ENOX1: variants seen among roughly 807,000 people sequenced by gnomAD.
ENOX1 encodes ecto-NOX disulfide-thiol exchanger 1, also known as candidate growth-related and time keeping constitutive hydroquinone (NADH) oxidase.
ENOX1 carries 42 observed loss-of-function variants against 82.5 expected under a neutral mutation model. The ratio of observed to expected loss-of-function variants is 0.51; its 90% CI spans 0.40 to 0.66. The LOEUF is 0.66. ENOX1 is among the 30% of genes least tolerant of loss of function. ENOX1 has a pLI of 0.00. For missense variants in ENOX1, 608 were observed against 811.6 expected (o/e 0.75, Z 3.05); for synonymous variants, 271 against 282.2 (o/e 0.96, Z 0.40).
intron 14 of ENOX1, among the ~76,000 whole-genome samples, chr13:43,240,404 G>A (rs2042760841): frequency 6.6e-6 from 1 of 152,104 alleles, no homozygotes; most frequent in Non-Finnish European, 1.5e-5. Context: ...GATTTTATCT[G>A]GGAGGCTTAA....
intron 2 of ENOX1, among the ~76,000 whole-genome samples, chr13:43,655,530 C>T (rs1451117189): frequency 6.6e-6 from 1 of 152,208 alleles, no homozygotes; most frequent in Non-Finnish European, 1.5e-5. Flanking sequence ...CACCAACTGT[C>T]TTCCTCCTGT....
intron 3 of ENOX1, among the ~76,000 whole-genome samples, chr13:43,452,229 A>G (rs897929296): frequency 1.3e-5 from 2 of 151,984 alleles, no homozygotes; most frequent in African/African-American, 4.8e-5. Context: ...CCATCATCCC[A>G]TCATCTACAT....
intron 11 of ENOX1, among the ~76,000 whole-genome samples, chr13:43,306,520 C>T (rs1300102562): frequency 6.6e-6 from 1 of 152,140 alleles, no homozygotes. Context: ...AATTGTACCC[C>T]CTCCCCTGCA....
chr13:43,470,297 CAT>C (rs1459174994), intron 3 of ENOX1, among the ~76,000 whole-genome samples: 16 of 37,908 alleles, frequency 4.2e-4, no homozygotes, highest in South Asian at 2.2e-3. Flanking sequence ...TATATATACA[CAT>C]ATATATACAT....
At chr13:43,414,302 G>C (rs1366949506) in intron 3 of ENOX1, among the ~76,000 whole-genome samples, 1 of 152,140 alleles carries the variant, frequency 6.6e-6, no homozygotes, top group Non-Finnish European at 1.5e-5. Context: ...ATGTAAGATA[G>C]TGTGGAATTT....
intron 1 of ENOX1, among the ~76,000 whole-genome samples, chr13:43,765,189 TA>T (rs577987360): frequency 7.9e-5 from 12 of 152,280 alleles, no homozygotes; most frequent in African/African-American, 2.9e-4. Flanking sequence ...ATGATGTATT[TA>T]GGGAGAAAAA....
intron 5 of ENOX1, among the ~76,000 whole-genome samples, chr13:43,363,180 T>C (rs1227587023): frequency 1.3e-5 from 2 of 152,260 alleles, no homozygotes; most frequent in Non-Finnish European, 2.9e-5. Flanking sequence ...CTGTTTATTC[T>C]GTCAATCATC....
chr13:43,355,081 C>G (rs915722115), intron 8 of ENOX1, among the ~76,000 whole-genome samples: 22 of 152,194 alleles, frequency 1.4e-4, no homozygotes, highest in Admixed American at 6.5e-5. Flanking sequence ...ATTCTCTCAT[C>G]AAATCCTGAC....
intron 1 of ENOX1, among the ~76,000 whole-genome samples, chr13:43,709,687 T>C (rs923463224): frequency 2.6e-5 from 4 of 151,708 alleles, no homozygotes; most frequent in Admixed American, 2.0e-4. Context: ...TTCAAGAAAA[T>C]CTGAAAAAGA....
intron 2 of ENOX1, among the ~76,000 whole-genome samples, chr13:43,632,319 T>G (rs1406412557): frequency 6.6e-6 from 1 of 152,076 alleles, no homozygotes; most frequent in Non-Finnish European, 1.5e-5. Context: ...AATTTCAAAA[T>G]TAGGACATCA....
At chr13:43,659,755 C>T (rs1012753207) in intron 2 of ENOX1, among the ~76,000 whole-genome samples, 14 of 152,174 alleles carry the variant, frequency 9.2e-5, no homozygotes, top group African/African-American at 3.4e-4. Context: ...TCCTTGAGTT[C>T]TATTTTTAGG....
At chr13:43,264,009 T>C (rs2044230608) in intron 14 of ENOX1, among the ~76,000 whole-genome samples, 1 of 152,228 alleles carries the variant, frequency 6.6e-6, no homozygotes, top group Non-Finnish European at 1.5e-5. Flanking sequence ...TTTGGCTTTC[T>C]ACTTTCTCAA....
intron 1 of ENOX1, among the ~76,000 whole-genome samples, chr13:43,721,277 T>G (rs568610472): frequency 2.1e-4 from 32 of 152,138 alleles, no homozygotes; most frequent in Middle Eastern, 3.4e-3. Context: ...ATAATTTAAA[T>G]TTTTAATTAT....
intron 2 of ENOX1, among the ~76,000 whole-genome samples, chr13:43,543,669 G>GA (rs1019526785): frequency 9.6e-5 from 14 of 145,808 alleles, no homozygotes; most frequent in East Asian, 4.0e-4. Flanking sequence ...ATGATGCAAA[G>GA]AAAAAAAAAC....
At position 43,326,473 on chromosome 13, in the gene ENOX1, G is replaced by A. The variant is rs2048122821; in HGVS notation, c.1089C>T (p.Asp363=). 6.2e-7 allele frequency: 1 copy of A among 1,614,156 alleles called. No individual in the cohort carries two copies. The highest frequency in any genetic ancestry group is 8.5e-7 in the Non-Finnish European group (1 of 1,180,004). Residue 363 remains aspartate (D), a synonymous_variant, in exon 10 of 17, where the codon GAC becomes GAT. Transcript: ENST00000690772. ...FNASTRQKAW[D]HFSKAQRKNI... Reference sequence around the variant, plus strand: ...TCTTGCGCTGGGCTTTCGAGAAATGGTCCCAAGCTTTTTGTCTGGTAGAAG... The same window carrying A: ...TCTTGCGCTGGGCTTTCGAGAAATGATCCCAAGCTTTTTGTCTGGTAGAAG...
chr13:43,658,004 C>T (rs1293843578), intron 2 of ENOX1, among the ~76,000 whole-genome samples: 1 of 151,992 alleles, frequency 6.6e-6, no homozygotes, highest in African/African-American at 2.4e-5. Flanking sequence ...GGTGAAATGG[C>T]TTGTTTTTTT....
At chr13:43,410,504 A>AT (rs1289072584) in intron 5 of ENOX1, among the ~76,000 whole-genome samples, 2 of 151,792 alleles carry the variant, frequency 1.3e-5, no homozygotes, top group Non-Finnish European at 2.9e-5. Context: ...CAGCCTTTGT[A>AT]TTTCCTTTGT....
At chr13:43,413,904 A>G (rs910007070) in intron 3 of ENOX1, among the ~76,000 whole-genome samples, 8 of 151,882 alleles carry the variant, frequency 5.3e-5, no homozygotes, top group Non-Finnish European at 8.8e-5. Context: ...CACCATTTCA[A>G]AACTCAGATG....
At chr13:43,746,146 T>C (rs550555765) in intron 1 of ENOX1, among the ~76,000 whole-genome samples, 23 of 152,236 alleles carry the variant, frequency 1.5e-4, no homozygotes, top group African/African-American at 4.8e-4. Context: ...CATATTTATA[T>C]GAATATAAAC....
Sources: allele counts gnomAD v4.1 joint callset (sites outside exome capture counted in the v4.1 genomes callset), GRCh38; gene constraint gnomAD v4.1.1; transcripts MANE v1.5; gene names NCBI Gene and HGNC (gene_info 2026-07-23, HGNC 2026-07-21).